The following UPP2 variants were observed in gnomAD, a reference collection of about 807,000 sequenced individuals.
The protein encoded by UPP2 is UPase 2.
UPP2 carries 23 observed loss-of-function variants against 26.7 expected under a neutral mutation model. That is an observed-to-expected ratio of 0.86 (90% CI 0.62 to 1.22). The LOEUF (loss-of-function observed/expected upper bound fraction) is 1.22, where lower values mean the gene tolerates loss of function less well. Ranked by LOEUF, UPP2 falls within the 50% of genes most tolerant of loss-of-function variation. The pLI, the probability that UPP2 is intolerant of heterozygous loss-of-function variation, is 0.00. For synonymous variants in UPP2, 127 were observed against 141.3 expected, an observed-to-expected ratio of 0.90 and a Z score of 0.72; for missense variants, 387 against 396.7, an observed-to-expected ratio of 0.98 and a Z score of 0.21.
chr2:158,101,233 A>G (rs1235676777), upstream of UPP2, among the ~76,000 whole-genome samples: 1 of 152,208 alleles, frequency 6.6e-6, no homozygotes, highest in Non-Finnish European at 1.5e-5. Flanking sequence ...CCAAAAGTGA[A>G]AAGTGAGAAG....
intron 3 of UPP2, among the ~76,000 whole-genome samples, chr2:158,083,864 T>TA (rs1469703967): frequency 0.012 from 1,697 of 141,198 alleles, 52 homozygotes; most frequent in African/African-American, 0.043. Context: ...ATATATATGT[T>TA]TTTTATATAT....
At chr2:158,025,817 G>A (rs1039914555) in intron 3 of UPP2, among the ~76,000 whole-genome samples, 4 of 152,204 alleles carry the variant, frequency 2.6e-5, no homozygotes, top group African/African-American at 9.6e-5. Context: ...TGACGCATCT[G>A]AATTCCAGAA....
intron 2 of UPP2, among the ~76,000 whole-genome samples, chr2:157,996,882 T>C (rs1683331435): frequency 6.6e-6 from 1 of 152,246 alleles, no homozygotes; most frequent in African/African-American, 2.4e-5. Flanking sequence ...ACTTGGATTC[T>C]GAAAAGACAT....
intron 1 of UPP2, 38 bp from the exon 2 acceptor site, chr2:158,106,061 A>C (rs1197045710): frequency 2.7e-6 from 4 of 1,462,684 alleles, no homozygotes; most frequent in Non-Finnish European, 3.7e-6. Flanking sequence ...TTCTCTCAAA[A>C]TTCTTTTATA....
intron 3 of UPP2, among the ~76,000 whole-genome samples, chr2:158,058,658 T>C (rs1682302021): frequency 6.6e-6 from 1 of 152,134 alleles, no homozygotes. Flanking sequence ...AGCAGACTAA[T>C]ACATCCCATC....
chr2:158,015,582 T>G lies in UPP2; in HGVS notation c.62-219T>G, dbSNP rs12465358. Among the ~76,000 whole-genome samples, 79,999 of 151,992 alleles carry G rather than the reference T, an allele frequency of 0.53. 23,039 individuals are homozygous for G. The highest frequency in any genetic ancestry group is 0.7 in the Admixed American group (10,645 of 15,262). On this transcript the variant is annotated intron_variant, in intron 2 of 9. Coordinates refer to the UPP2 transcript ENST00000605860. ...ATATCTCTTTGAGACTCTAGTTATA[T>G]ACGGATGTGGTTTTGCTCTGTGTTC...
In UPP2 at chr2:158,117,955, T is replaced by G. The variant is rs762656760; in HGVS notation, c.454+17T>G. On this transcript the variant is annotated intron_variant, in intron 4 of 6. Transcript: ENST00000005756. ...GGGGAATAGGTGAGACGGATTGATGTCTACTATTAGAACTGAGTGATCCTT... is the reference window on the plus strand; with the variant it reads ...GGGGAATAGGTGAGACGGATTGATGGCTACTATTAGAACTGAGTGATCCTT... 5 of 1,578,552 alleles carry G rather than the reference T, an allele frequency of 3.2e-6. No individual in the cohort carries two copies. The South Asian group carries it at 5.5e-5, about 17-fold the overall frequency.
At chr2:158,044,107 A>T (rs778507532) in intron 3 of UPP2, among the ~76,000 whole-genome samples, 5 of 152,258 alleles carry the variant, frequency 3.3e-5, no homozygotes, top group Non-Finnish European at 7.3e-5. Flanking sequence ...TAGAGTAACT[A>T]ACAGCTCAGA....
At chr2:157,998,097 A>G (rs753173087) in intron 2 of UPP2, among the ~76,000 whole-genome samples, 1 of 152,128 alleles carries the variant, frequency 6.6e-6, no homozygotes, top group Non-Finnish European at 1.5e-5. Context: ...TTCTGGATTT[A>G]ATGTATTAGC....
At chr2:158,062,331 G>A (rs1396868408) in intron 3 of UPP2, among the ~76,000 whole-genome samples, 1 of 152,164 alleles carries the variant, frequency 6.6e-6, no homozygotes, top group Non-Finnish European at 1.5e-5. Context: ...AGCCTGTGTG[G>A]CTAGTGGCTA....
intron 3 of UPP2, among the ~76,000 whole-genome samples, chr2:158,080,836 C>G (rs1389992310): frequency 6.6e-6 from 1 of 152,156 alleles, no homozygotes; most frequent in Non-Finnish European, 1.5e-5. Flanking sequence ...CATCTCTGCT[C>G]TCTGATCCCC....
chr2:158,010,763 C>CTTTTTTTT (rs34328148), intron 2 of UPP2, among the ~76,000 whole-genome samples: 1 of 82,906 alleles, frequency 1.2e-5, no homozygotes. Context: ...CCCTCTTTTT[C>CTTTTTTTT]TTTTTTTTTT....
chr2:158,054,905 ACTT>A (rs889996839), intron 3 of UPP2, among the ~76,000 whole-genome samples: 1 of 152,102 alleles, frequency 6.6e-6, no homozygotes, highest in Admixed American at 6.5e-5. Context: ...CATCTCCACA[ACTT>A]CTTTTAATCT....
chr2:158,126,804 C>T (rs1452910253), intron 6 of UPP2: 1 of 152,174 alleles, frequency 6.6e-6, no homozygotes, highest in African/African-American at 2.4e-5. Context: ...AAGATTTCAC[C>T]TGGCACCAAG....
intron 6 of UPP2, among the ~76,000 whole-genome samples, chr2:158,124,400 GGC>G (rs1683647645): frequency 6.6e-6 from 1 of 152,102 alleles, no homozygotes; most frequent in Non-Finnish European, 1.5e-5. Context: ...GGAGGGGAGA[GGC>G]AGTGGTGGAG....
chr2:158,070,946 C>T (rs535052544), intron 3 of UPP2, among the ~76,000 whole-genome samples: 2 of 152,184 alleles, frequency 1.3e-5, no homozygotes, highest in South Asian at 2.1e-4. Context: ...CTGAGCTGGG[C>T]TCAGCCATTG....
chr2:158,008,059 T>A (rs1164037942), intron 2 of UPP2, among the ~76,000 whole-genome samples: 3 of 152,332 alleles, frequency 2.0e-5, no homozygotes, highest in African/African-American at 4.8e-5. Flanking sequence ...AGAATGTAAA[T>A]TTAACTTGTA....
At chr2:158,039,724 A>C (rs1357038566) in intron 3 of UPP2, among the ~76,000 whole-genome samples, 2 of 152,188 alleles carry the variant, frequency 1.3e-5, no homozygotes, top group Admixed American at 6.5e-5. Context: ...CAAATCTGTT[A>C]ATCAGAATCT....
At chr2:158,006,286 C>T (rs1683486232) in intron 2 of UPP2, among the ~76,000 whole-genome samples, 1 of 152,048 alleles carries the variant, frequency 6.6e-6, no homozygotes, top group Admixed American at 6.5e-5. Context: ...GGTGAAACCC[C>T]GTGTTATTTA....
Sources: allele counts gnomAD v4.1 joint callset (sites outside exome capture counted in the v4.1 genomes callset), GRCh38; gene constraint gnomAD v4.1.1; transcripts MANE v1.5; gene names NCBI Gene and HGNC (gene_info 2026-07-23, HGNC 2026-07-21).